Variants in GALNT7 observed in about 807,000 individuals in gnomAD.
GALNT7 encodes polypeptide N-acetylgalactosaminyltransferase 7.
A neutral mutation model predicts 82.1 loss-of-function variants in GALNT7; 60 were observed. The observed-to-expected ratio is 0.73, with a 90% CI of 0.59 to 0.91. The LOEUF (loss-of-function observed/expected upper bound fraction) is 0.91, where lower values mean the gene tolerates loss of function less well. Ranked by LOEUF, GALNT7 falls within the 40% of genes least tolerant of loss-of-function variation. GALNT7 has a pLI of 0.00. For synonymous variants in GALNT7, 243 were observed against 275.1 expected, an observed-to-expected ratio of 0.88 and a Z score of 1.15; for missense variants, 660 against 804.2, an observed-to-expected ratio of 0.82 and a Z score of 2.17.
chr4:173,281,412 C>G (rs1002374728), intron 2 of GALNT7, among the ~76,000 whole-genome samples: 2 of 152,180 alleles, frequency 1.3e-5, no homozygotes, highest in Non-Finnish European at 2.9e-5. Context: ...CTACAAGAGC[C>G]TGTCGTGTCT....
intron 1 of GALNT7, among the ~76,000 whole-genome samples, chr4:173,217,846 A>G (rs567710613): frequency 9.8e-5 from 15 of 152,336 alleles, no homozygotes; most frequent in Middle Eastern, 3.4e-3. Flanking sequence ...GAGTGGGTTG[A>G]TAAACTTGCA....
chr4:173,221,076 C>G (rs1733629636), intron 1 of GALNT7, among the ~76,000 whole-genome samples: 1 of 151,552 alleles, frequency 6.6e-6, no homozygotes, highest in African/African-American at 2.4e-5. Flanking sequence ...GGAATCGCCA[C>G]ACTGACTTCC....
chr4:173,169,224 G>C (rs191879471), intron 1 of GALNT7: 2,741 of 151,120 alleles, frequency 0.018, 79 homozygotes, highest in Admixed American at 0.065. Context: ...GCGCTGCCGC[G>C]GCAGCGGCTC....
At chr4:173,207,908 A>G (rs1733150399) in intron 1 of GALNT7, among the ~76,000 whole-genome samples, 1 of 152,226 alleles carries the variant, frequency 6.6e-6, no homozygotes, top group South Asian at 2.1e-4. Flanking sequence ...GTGAAAAACG[A>G]ATCTCATTTT....
At chr4:173,193,210 G>T (rs1732676358) in intron 1 of GALNT7, among the ~76,000 whole-genome samples, 1 of 152,196 alleles carries the variant, frequency 6.6e-6, no homozygotes, top group Admixed American at 6.5e-5. Context: ...TCTTCCTGCT[G>T]ATTAGGTTGT....
intron 1 of GALNT7, among the ~76,000 whole-genome samples, chr4:173,220,881 T>G (rs1733623144): frequency 6.6e-6 from 1 of 152,122 alleles, no homozygotes. Context: ...TGTGCTACAT[T>G]TTCTTAATCC....
intron 1 of GALNT7, among the ~76,000 whole-genome samples, chr4:173,188,702 A>T (rs941725715): frequency 6.6e-6 from 1 of 152,148 alleles, no homozygotes; most frequent in Non-Finnish European, 1.5e-5. Flanking sequence ...TTTCATGTTC[A>T]TGTGCAGCAT....
At chr4:173,193,428 C>T (rs530594795) in intron 1 of GALNT7, among the ~76,000 whole-genome samples, 90 of 152,280 alleles carry the variant, frequency 5.9e-4, no homozygotes, top group African/African-American at 2.0e-3. Flanking sequence ...AAATCACATA[C>T]ATGAAGTTTC....
intron 1 of GALNT7, among the ~76,000 whole-genome samples, chr4:173,178,846 G>C (rs1227856463): frequency 2.0e-5 from 3 of 152,170 alleles, no homozygotes; most frequent in Non-Finnish European, 2.9e-5. Flanking sequence ...TTATTACAAA[G>C]AATATTTTAA....
intron 1 of GALNT7, among the ~76,000 whole-genome samples, chr4:173,201,263 G>C (rs956078289): frequency 1.3e-5 from 2 of 151,950 alleles, no homozygotes; most frequent in Admixed American, 6.6e-5. Flanking sequence ...TATGTTTTTA[G>C]ATAAGCCACC....
At chr4:173,279,332 ACT>A (rs1269626118) in intron 2 of GALNT7, among the ~76,000 whole-genome samples, 1 of 152,064 alleles carries the variant, frequency 6.6e-6, no homozygotes, top group Non-Finnish European at 1.5e-5. Flanking sequence ...ACCAGAACTC[ACT>A]GTTGTGAGGA....
At chr4:173,290,461 C>A (rs943055505) in intron 2 of GALNT7, among the ~76,000 whole-genome samples, 7 of 152,128 alleles carry the variant, frequency 4.6e-5, no homozygotes, top group African/African-American at 1.7e-4. Context: ...ATACAGCCAA[C>A]TATTAACAAT....
intron 1 of GALNT7, among the ~76,000 whole-genome samples, chr4:173,233,325 A>C (rs1478026961): frequency 1.3e-5 from 2 of 152,132 alleles, no homozygotes; most frequent in Non-Finnish European, 2.9e-5. Context: ...GTTTTCCATA[A>C]TGGCTGTTGT....
At chr4:173,177,622 C>T (rs530035609) in intron 1 of GALNT7, among the ~76,000 whole-genome samples, 4 of 152,148 alleles carry the variant, frequency 2.6e-5, no homozygotes, top group South Asian at 2.1e-4. Context: ...ATTGCCTAAC[C>T]GTGAGCAAAA....
At chr4:173,241,215 A>AG (rs1181193087) in intron 1 of GALNT7, among the ~76,000 whole-genome samples, 12 of 97,178 alleles carry the variant, frequency 1.2e-4, no homozygotes, top group Admixed American at 6.3e-4. Flanking sequence ...TATTTAAAAA[A>AG]AAAAAAAAAA....
At position 173,302,111 on chromosome 4, in the gene GALNT7, T is replaced by C. The variant is rs1280120308; in HGVS notation, c.1213T>C (p.Tyr405His). The change falls in exon 7 of 12, where the codon TAT (tyrosine) becomes CAT (histidine). Residue 405 changes from tyrosine to histidine, a missense_variant. Around this residue, in one of 2 missense-constraint regions of GALNT7, gnomAD observed 527 missense variants for 683.5 expected, o/e 0.77. Transcript: ENST00000265000. The surrounding 1 kb of genome is among the most constrained non-coding windows in gnomAD (Gnocchi z 4.2). ...EREFFFELGL[Y>H]DPGLQIWGGE... ...AGAGTTCTTCTTTGAATTGGGTCTC[T>C]ATGATCCAGGTCTCCAGATTTGGGG... 6 of 1,599,068 alleles carry C rather than the reference T, an allele frequency of 3.8e-6. No homozygotes were observed. In the South Asian group the frequency reaches 6.6e-5, roughly 18 times the overall value.
chr4:173,183,968 G>A (rs1453517241), intron 1 of GALNT7, among the ~76,000 whole-genome samples: 2 of 151,802 alleles, frequency 1.3e-5, no homozygotes, highest in Non-Finnish European at 2.9e-5. Flanking sequence ...ACGGGGTCGC[G>A]GCCGGGCAGA....
chr4:173,281,869 A>C (rs936316709), intron 2 of GALNT7, among the ~76,000 whole-genome samples: 2 of 152,136 alleles, frequency 1.3e-5, no homozygotes, highest in African/African-American at 2.4e-5. Flanking sequence ...ATGTGGACTT[A>C]ACTTGTTCTG....
At chr4:173,240,723 T>C (rs1734400958) in intron 1 of GALNT7, among the ~76,000 whole-genome samples, 1 of 152,136 alleles carries the variant, frequency 6.6e-6, no homozygotes, top group South Asian at 2.1e-4. Flanking sequence ...AGACAGAACA[T>C]ATGGGACTAA....
Sources: allele counts gnomAD v4.1 joint callset (sites outside exome capture counted in the v4.1 genomes callset), GRCh38; gene constraint gnomAD v4.1.1; regional missense constraint gnomAD v4.1.1; non-coding constraint Gnocchi (gnomAD v3.1); transcripts MANE v1.5; gene names NCBI Gene and HGNC (gene_info 2026-07-23, HGNC 2026-07-21).